The following TMEM17 variants were observed in gnomAD, a reference collection of about 807,000 sequenced individuals.
TMEM17 encodes the protein transmembrane protein 17.
In TMEM17, 15 loss-of-function variants were observed where a neutral mutation model predicts 19.1. The ratio of observed to expected loss-of-function variants is 0.78; its 90% CI spans 0.52 to 1.21. The LOEUF (loss-of-function observed/expected upper bound fraction) is 1.21, where lower values mean the gene tolerates loss of function less well. TMEM17 is among the 50% of genes most tolerant of loss of function. The pLI is 0.00. For missense variants in TMEM17, 245 were observed against 242.3 expected (o/e 1.01, Z -0.07); for synonymous variants, 103 against 86.9 (o/e 1.19, Z -1.03).
chr2:62,454,060 A>G, the TMEM17 span, among the ~76,000 whole-genome samples: 603 of 152,342 alleles, frequency 4.0e-3, 1 homozygote, highest in Non-Finnish European at 7.0e-3. Flanking sequence ...CTTCAGGATG[A>G]GGGGTGCCTG....
the TMEM17 span, among the ~76,000 whole-genome samples, chr2:62,473,538 C>A: frequency 2.0e-5 from 3 of 152,210 alleles, no homozygotes; most frequent in African/African-American, 7.2e-5. Context: ...AGCTTTACCC[C>A]TCTCCTCCCC....
the TMEM17 span, among the ~76,000 whole-genome samples, chr2:62,483,601 T>G: frequency 8.0e-5 from 2 of 24,868 alleles, no homozygotes; most frequent in Non-Finnish European, 1.3e-4. Context: ...CAGGATACAT[T>G]TTTTTTTTTT....
chr2:62,486,347 AGGCTTT>A, the TMEM17 span, among the ~76,000 whole-genome samples: 3 of 148,506 alleles, frequency 2.0e-5, no homozygotes, highest in African/African-American at 7.3e-5. Flanking sequence ...TATCTTGAGC[AGGCTTT>A]GGGTCAAGAC....
chr2:62,490,200 G>C, the TMEM17 span, among the ~76,000 whole-genome samples: 7 of 151,990 alleles, frequency 4.6e-5, no homozygotes, highest in Non-Finnish European at 1.0e-4. Flanking sequence ...TAATCAATGA[G>C]TTCCTTATTA....
At chr2:62,491,999 C>A in the TMEM17 span, among the ~76,000 whole-genome samples, 219 of 150,228 alleles carry the variant, frequency 1.5e-3, no homozygotes, top group African/African-American at 5.1e-3. Flanking sequence ...TATAGGTAAA[C>A]GTATTATTAG....
At chr2:62,466,274 G>T in the TMEM17 span, among the ~76,000 whole-genome samples, 1 of 152,178 alleles carries the variant, frequency 6.6e-6, no homozygotes, top group African/African-American at 2.4e-5. Context: ...GGTGCTCTGG[G>T]GTGGGAGGCA....
At chr2:62,499,719 A>G (rs1490679213), downstream of TMEM17, among the ~76,000 whole-genome samples, 1 of 152,232 alleles carries the variant, frequency 6.6e-6, no homozygotes, top group Non-Finnish European at 1.5e-5. Flanking sequence ...AAAATTGAAA[A>G]GAGCAGTTTT....
At chr2:62,475,319 G>A in the TMEM17 span, among the ~76,000 whole-genome samples, 2 of 152,260 alleles carry the variant, frequency 1.3e-5, no homozygotes, top group African/African-American at 4.8e-5. Flanking sequence ...TTGGGGCACA[G>A]CGGCAGAGGC....
At chr2:62,471,675 G>T in the TMEM17 span, among the ~76,000 whole-genome samples, 150 of 152,296 alleles carry the variant, frequency 9.8e-4, 2 homozygotes, top group Admixed American at 9.8e-3. Context: ...GGAGGAGCTT[G>T]GTCTGAATCT....
chr2:62,496,811 C>T (rs183397286), downstream of TMEM17, among the ~76,000 whole-genome samples: 2 of 152,230 alleles, frequency 1.3e-5, no homozygotes, highest in East Asian at 3.9e-4. Flanking sequence ...GTCTAATAAT[C>T]TAATGGCTGG....
Position 62,502,707 on chromosome 2 carries a change from A to G in TMEM17, c.188T>C (p.Met63Thr). 1 of 1,607,194 alleles carries G rather than the reference A, an allele frequency of 6.2e-7. No homozygotes were observed. Among genetic ancestry groups the G allele is most frequent in the Non-Finnish European group, 8.5e-7 (1 of 1,177,910 alleles). The change falls in exon 2 of 4, where the codon ATG (methionine) becomes ACG (threonine). Residue 63 changes from methionine to threonine, a missense_variant. Physicochemically the swap from Met to Thr is moderately conservative, Grantham distance 81. Coordinates refer to ENST00000335390, the MANE Select transcript of TMEM17 (RefSeq NM_198276.3). ...TAGATTTACCTTCATGTGAAGCATC[A>G]TAATGCTGCTCACCCACCACAGTGG... ...YFPLWWVSSI[M>T]MLHMKYSILP...
the TMEM17 span, chr2:62,463,059 C>G: frequency 6.6e-6 from 1 of 152,250 alleles, no homozygotes; most frequent in African/African-American, 2.4e-5. Flanking sequence ...ATCCTTCCAG[C>G]TACCAGTCAG....
At chr2:62,488,994 C>G in the TMEM17 span, among the ~76,000 whole-genome samples, 1 of 152,192 alleles carries the variant, frequency 6.6e-6, no homozygotes, top group African/African-American at 2.4e-5. Flanking sequence ...AACAATGGTG[C>G]CTTCCACGGA....
At chr2:62,505,052 C>A (rs1680027445) in intron 1 of TMEM17, among the ~76,000 whole-genome samples, 1 of 152,144 alleles carries the variant, frequency 6.6e-6, no homozygotes, top group South Asian at 2.1e-4. Context: ...CTCTGTACAT[C>A]CTAAATCATA....
chr2:62,464,262 C>G, the TMEM17 span, among the ~76,000 whole-genome samples: 1 of 152,216 alleles, frequency 6.6e-6, no homozygotes, highest in Non-Finnish European at 1.5e-5. Context: ...GCTAAAAGAG[C>G]ACTGTAACAC....
At chr2:62,483,950 T>C in the TMEM17 span, among the ~76,000 whole-genome samples, 1 of 152,244 alleles carries the variant, frequency 6.6e-6, no homozygotes, top group East Asian at 1.9e-4. Flanking sequence ...TCCAGTCACC[T>C]CACAAGGAAA....
In TMEM17 at chr2:62,501,168, C is replaced by G. The variant is rs752983274; in HGVS notation, c.*41G>C. The G allele has an allele frequency of 2.5e-6, 4 of 1,593,706 alleles. No individual in the cohort carries two copies. Among genetic ancestry groups the G allele is most frequent in the Non-Finnish European group, 3.4e-6 (4 of 1,167,748 alleles). ...CTGATATTTTCCTAACTCTTACAGT[C>G]TCTAGAATGATCTGTCAGATTTTCA... On this transcript the variant is annotated 3_prime_UTR_variant, in exon 4 of 4. Coordinates refer to ENST00000335390, the MANE Select transcript of TMEM17 (RefSeq NM_198276.3).
At chr2:62,476,773 CTATGAA>C in the TMEM17 span, among the ~76,000 whole-genome samples, 1 of 152,182 alleles carries the variant, frequency 6.6e-6, no homozygotes, top group African/African-American at 2.4e-5. Context: ...TGACATATCT[CTATGAA>C]TGTTAAAGAC....
chr2:62,476,858 C>G, the TMEM17 span, among the ~76,000 whole-genome samples: 1 of 152,150 alleles, frequency 6.6e-6, no homozygotes, highest in African/African-American at 2.4e-5. Flanking sequence ...TGAGACTGAG[C>G]CCCACAAGGC....
Sources: allele counts gnomAD v4.1 joint callset (sites outside exome capture counted in the v4.1 genomes callset), GRCh38; gene constraint gnomAD v4.1.1; transcripts MANE v1.5; gene names NCBI Gene and HGNC (gene_info 2026-07-23, HGNC 2026-07-21).